ANKIB1: variants seen among roughly 807,000 people sequenced by gnomAD.
ANKIB1 encodes ankyrin repeat and IBR domain-containing protein 1.
A neutral mutation model predicts 122.1 loss-of-function variants in ANKIB1; 43 were observed. That is an observed-to-expected ratio of 0.35 (90% CI 0.28 to 0.45). ANKIB1 has a LOEUF of 0.45. Ranked by LOEUF, ANKIB1 falls within the 20% of genes least tolerant of loss-of-function variation. ANKIB1 has a pLI of 1.00. For missense variants in ANKIB1, 992 were observed against 1,329.5 expected (o/e 0.75, Z 3.95); for synonymous variants, 390 against 442.0 (o/e 0.88, Z 1.48).
At chr7:92,337,349 G>A (rs771654816) in intron 5 of ANKIB1, among the ~76,000 whole-genome samples, 5 of 152,084 alleles carry the variant, frequency 3.3e-5, no homozygotes, top group African/African-American at 4.8e-5. Context: ...TCTGTTTATC[G>A]TGTTAAAACA....
At chr7:92,321,170 G>A (rs1367238708) in intron 4 of ANKIB1, among the ~76,000 whole-genome samples, 1 of 151,634 alleles carries the variant, frequency 6.6e-6, no homozygotes, top group Non-Finnish European at 1.5e-5. Context: ...TGGGAGTATA[G>A]TGTTGTGTTT....
At chr7:92,330,670 G>A (rs542514124) in intron 5 of ANKIB1, among the ~76,000 whole-genome samples, 24 of 151,928 alleles carry the variant, frequency 1.6e-4, no homozygotes, top group Admixed American at 7.9e-4. Context: ...CTGAAACCCC[G>A]TCTCTACTAA....
intron 4 of ANKIB1, 126 bp from the exon 5 acceptor site, chr7:92,327,657 A>G (rs539291654): frequency 4.4e-6 from 2 of 459,320 alleles, no homozygotes; most frequent in South Asian, 5.3e-5. Flanking sequence ...TTCAATCTAC[A>G]GTTGATCCAA....
intron 1 of ANKIB1, among the ~76,000 whole-genome samples, chr7:92,277,955 G>A (rs1204582423): frequency 1.3e-5 from 2 of 152,078 alleles, no homozygotes; most frequent in Non-Finnish European, 2.9e-5. Flanking sequence ...GTGGTGGCAG[G>A]TGTTTATAGT....
At chr7:92,310,532 A>G (rs1282838988) in intron 3 of ANKIB1, among the ~76,000 whole-genome samples, 3 of 152,172 alleles carry the variant, frequency 2.0e-5, no homozygotes, top group African/African-American at 7.2e-5. Flanking sequence ...AACTATCTCC[A>G]GAAGCCTTAT....
chr7:92,368,754 C>A (rs773276339), intron 10 of ANKIB1, among the ~76,000 whole-genome samples: 2 of 151,754 alleles, frequency 1.3e-5, no homozygotes, highest in African/African-American at 4.8e-5. Flanking sequence ...AAGGGACAGA[C>A]GTATAGAATA....
intron 5 of ANKIB1, 30 bp downstream of exon 5, chr7:92,327,930 G>C (rs1421037732): frequency 7.1e-7 from 1 of 1,416,116 alleles, no homozygotes; most frequent in Non-Finnish European, 9.6e-7. Context: ...ATGCTTCTAA[G>C]AACATGAGTA....
intron 1 of ANKIB1, among the ~76,000 whole-genome samples, chr7:92,264,161 G>A (rs565010965): frequency 3.7e-5 from 5 of 136,796 alleles, no homozygotes; most frequent in South Asian, 2.4e-4. Flanking sequence ...TTTCGTCGTC[G>A]TTTTTTTTTT....
At chr7:92,368,211 C>A (rs1384021865) in intron 10 of ANKIB1, among the ~76,000 whole-genome samples, 2 of 151,452 alleles carry the variant, frequency 1.3e-5, no homozygotes, top group Admixed American at 6.6e-5. Flanking sequence ...CACATGCATA[C>A]ATGTTGATTC....
intron 5 of ANKIB1, among the ~76,000 whole-genome samples, chr7:92,332,272 T>C (rs1346973459): frequency 6.6e-6 from 1 of 152,198 alleles, no homozygotes; most frequent in Non-Finnish European, 1.5e-5. Flanking sequence ...ATAACTACAG[T>C]TTACTATAAT....
intron 3 of ANKIB1, among the ~76,000 whole-genome samples, chr7:92,309,463 A>G (rs1296388358): frequency 2.0e-5 from 3 of 152,064 alleles, no homozygotes; most frequent in African/African-American, 7.2e-5. Context: ...CTAATAGCAG[A>G]ATTCCTGGGG....
Position 92,246,217 on chromosome 7 carries a change from TC to T in ANKIB1, c.-388del. 2.7e-6 allele frequency: 1 copy of T among 374,278 alleles called. No individual in the cohort carries two copies. 23.2% of individuals were successfully genotyped at this position (374,278 alleles called of 1,614,324 possible). Reference sequence around the variant, plus strand: ...CAAGAGCCACCGCCCCCTCTTCCCCTCCCCCGAGTGAGGCGGCGCAGCGGCC... The same window carrying T: ...CAAGAGCCACCGCCCCCTCTTCCCCTCCCCGAGTGAGGCGGCGCAGCGGCC... On this transcript the variant is annotated 5_prime_UTR_variant, in exon 1 of 20. Coordinates refer to ENST00000265742, the MANE Select transcript of ANKIB1 (RefSeq NM_019004.2).
chr7:92,374,962 C>T (rs116699711), intron 11 of ANKIB1, among the ~76,000 whole-genome samples: 335 of 152,140 alleles, frequency 2.2e-3, no homozygotes, highest in African/African-American at 7.8e-3. Flanking sequence ...ATGCTGTGGT[C>T]CAGTTCCAGA....
chr7:92,250,222 C>T (rs1486075405), intron 1 of ANKIB1, among the ~76,000 whole-genome samples: 2 of 151,962 alleles, frequency 1.3e-5, no homozygotes, highest in Non-Finnish European at 2.9e-5. Flanking sequence ...AGAGAAACCC[C>T]ATCTCTACTA....
chr7:92,310,869 C>A (rs1208391803), intron 3 of ANKIB1, among the ~76,000 whole-genome samples: 1 of 152,122 alleles, frequency 6.6e-6, no homozygotes, highest in East Asian at 1.9e-4. Flanking sequence ...GATGTGGAAT[C>A]TAAGGATGTG....
At chr7:92,381,134 G>A (rs1166413972) in intron 11 of ANKIB1, among the ~76,000 whole-genome samples, 1 of 152,006 alleles carries the variant, frequency 6.6e-6, no homozygotes, top group Non-Finnish European at 1.5e-5. Context: ...TGGAAGAAAA[G>A]GTATCAGTGA....
intron 7 of ANKIB1, 38 bp from the exon 8 acceptor site, chr7:92,350,912 T>A (rs1383485229): frequency 5.8e-6 from 9 of 1,553,316 alleles, no homozygotes; most frequent in Non-Finnish European, 7.8e-6. Context: ...CAACTTAATA[T>A]CCTTGCTCGT....
chr7:92,313,322 T>C (rs1218663148), intron 3 of ANKIB1, among the ~76,000 whole-genome samples: 1 of 152,174 alleles, frequency 6.6e-6, no homozygotes, highest in African/African-American at 2.4e-5. Context: ...TCACACTTCA[T>C]TGAAAAGTCG....
At chr7:92,304,627 G>A (rs1489794532) in intron 2 of ANKIB1, among the ~76,000 whole-genome samples, 3 of 152,066 alleles carry the variant, frequency 2.0e-5, no homozygotes, top group African/African-American at 7.2e-5. Context: ...GAATCAGATA[G>A]CTTTAATAAT....
Sources: allele counts gnomAD v4.1 joint callset (sites outside exome capture counted in the v4.1 genomes callset), GRCh38; gene constraint gnomAD v4.1.1; transcripts MANE v1.5; gene names NCBI Gene and HGNC (gene_info 2026-07-23, HGNC 2026-07-21).